Variants in FHOD3 observed in about 807,000 individuals in gnomAD.
FHOD3 encodes the protein FH1/FH2 domain-containing protein 3.
FHOD3 carries 90 observed loss-of-function variants against 173.0 expected under a neutral mutation model. The ratio of observed to expected loss-of-function variants is 0.52; its 90% CI spans 0.44 to 0.62. FHOD3 has a LOEUF of 0.62. Ranked by LOEUF, FHOD3 falls within the 20% of genes least tolerant of loss-of-function variation. The probability of loss-of-function intolerance (pLI) is 0.00; values close to 1 mark genes in which losing one functional copy is unlikely to be tolerated. For synonymous variants in FHOD3, 828 were observed against 823.0 expected (o/e 1.01, Z -0.10); for missense variants, 1,945 against 2,034.7 (o/e 0.96, Z 0.85).
At chr18:36,582,178 C>T (rs1248892915) in intron 6 of FHOD3, among the ~76,000 whole-genome samples, 2 of 152,086 alleles carry the variant, frequency 1.3e-5, no homozygotes, top group Admixed American at 6.5e-5. Context: ...AGCTAAGTGC[C>T]ATGGAGCCTG....
At chr18:36,331,803 A>C (rs2145222494) in intron 1 of FHOD3, among the ~76,000 whole-genome samples, 1 of 152,080 alleles carries the variant, frequency 6.6e-6, no homozygotes, top group South Asian at 2.1e-4. Context: ...CATGCAGGGG[A>C]GTGGGGCACC....
intron 3 of FHOD3, among the ~76,000 whole-genome samples, chr18:36,444,269 A>C (rs2051337096): frequency 6.6e-6 from 1 of 151,114 alleles, no homozygotes; most frequent in Non-Finnish European, 1.5e-5. Flanking sequence ...GATGTTTTTC[A>C]GAGTTACTTA....
intron 1 of FHOD3, among the ~76,000 whole-genome samples, chr18:36,317,577 T>C (rs1249010123): frequency 6.6e-6 from 1 of 152,190 alleles, no homozygotes; most frequent in Non-Finnish European, 1.5e-5. Context: ...GGGTTGTTTG[T>C]TTTTTTCTTG....
intron 20 of FHOD3, among the ~76,000 whole-genome samples, chr18:36,739,770 C>T (rs896748707): frequency 2.6e-5 from 4 of 152,224 alleles, no homozygotes; most frequent in Admixed American, 1.3e-4. Flanking sequence ...GTATAGATAA[C>T]GAACTAATAA....
chr18:36,575,019 G>A (rs908606755), intron 5 of FHOD3, among the ~76,000 whole-genome samples: 2 of 150,544 alleles, frequency 1.3e-5, no homozygotes, highest in Non-Finnish European at 2.9e-5. Flanking sequence ...CACCCAGACT[G>A]GAGTGCAGTG....
At chr18:36,535,725 T>A (rs1000157353) in intron 5 of FHOD3, among the ~76,000 whole-genome samples, 16 of 152,194 alleles carry the variant, frequency 1.1e-4, no homozygotes, top group Non-Finnish European at 2.1e-4. Flanking sequence ...TTTATGTGAT[T>A]GTTGTAACAG....
rs369090418 is a variant in FHOD3 at position 36,761,564 on chromosome 18, C to T, written c.4624+782C>T. The stretch of plus-strand genomic sequence containing the variant: ...GCATGGTCACCGCGGCGCTTCTCCG[C>T]ACGCTGCTCGTCCTAGAGTCCCCGC... On this transcript the variant is annotated intron_variant, in intron 27 of 28. Coordinates refer to ENST00000590592, the MANE Select transcript of FHOD3 (RefSeq NM_001281740.3). 2.7e-4 allele frequency among the ~76,000 whole-genome samples: 41 copies of T among 152,286 alleles called. 2 individuals carry two copies. The East Asian group carries it at 4.6e-3, about 17-fold the overall frequency.
intron 6 of FHOD3, among the ~76,000 whole-genome samples, chr18:36,589,887 G>C (rs1165560876): frequency 6.6e-6 from 1 of 152,140 alleles, no homozygotes; most frequent in Non-Finnish European, 1.5e-5. Flanking sequence ...CTCGGTGCTG[G>C]ACAAATGGGC....
chr18:36,691,351 C>A (rs921263354), intron 16 of FHOD3, among the ~76,000 whole-genome samples: 3 of 152,218 alleles, frequency 2.0e-5, no homozygotes, highest in African/African-American at 7.2e-5. Context: ...CTCTTATTTG[C>A]ACTCATTTCT....
rs57041859 is a variant in FHOD3 at position 36,716,914 on chromosome 18, ATGTG to A, written c.2534-882_2534-879del. Among the ~76,000 whole-genome samples, 1,030 of 136,854 alleles carry A rather than the reference ATGTG, an allele frequency of 7.5e-3. 3 individuals carry two copies. The highest frequency in any genetic ancestry group is 0.011 in the Middle Eastern group (3 of 272). 89.8% of individuals were successfully genotyped at this position (136,854 alleles called of 152,430 possible). ...AAGACGGGGGAAATTATATATGTGTATGTGTGTGTGTGTGTGTGTGTGTGTGTGT... is the reference window on the plus strand; with the variant it reads ...AAGACGGGGGAAATTATATATGTGTATGTGTGTGTGTGTGTGTGTGTGTGT... On this transcript the variant is annotated intron_variant, in intron 18 of 28. Transcript: ENST00000590592.
chr18:36,545,406 G>A (rs1440243158), intron 5 of FHOD3, among the ~76,000 whole-genome samples: 1 of 152,204 alleles, frequency 6.6e-6, no homozygotes, highest in Non-Finnish European at 1.5e-5. Flanking sequence ...GGTGGACGAG[G>A]AAGACCTCTT....
intron 1 of FHOD3, among the ~76,000 whole-genome samples, chr18:36,324,550 G>A (rs965718053): frequency 6.6e-6 from 1 of 152,176 alleles, no homozygotes; most frequent in Admixed American, 6.5e-5. Flanking sequence ...ATAAGAAAAT[G>A]ACAGTCCAAT....
chr18:36,724,904 C>A (rs2040978391), intron 19 of FHOD3, among the ~76,000 whole-genome samples: 1 of 152,144 alleles, frequency 6.6e-6, no homozygotes, highest in East Asian at 1.9e-4. Context: ...CTTTCTGGAA[C>A]CAAAACAGAG....
intron 10 of FHOD3, among the ~76,000 whole-genome samples, chr18:36,639,871 C>G (rs998572387): frequency 6.6e-6 from 1 of 151,506 alleles, no homozygotes; most frequent in African/African-American, 2.4e-5. Flanking sequence ...TGAGAAGCCT[C>G]ATAGTCTGTA....
At chr18:36,380,637 C>CCTTTCCTTTCCTTTT (rs1555686613) in intron 3 of FHOD3, among the ~76,000 whole-genome samples, 3 of 140,542 alleles carry the variant, frequency 2.1e-5, no homozygotes, top group African/African-American at 7.9e-5. Context: ...CCTTTCCTTT[C>CCTTTCCTTTCCTTTT]CTTTCTCTGT....
intron 25 of FHOD3, 24 bp downstream of exon 25, chr18:36,755,335 CT>C: frequency 1.4e-6 from 2 of 1,458,012 alleles, no homozygotes; most frequent in East Asian, 5.2e-5. Context: ...AATCCCTCTC[CT>C]TATGTCATTC....
chr18:36,571,375 A>G (rs554058300), intron 5 of FHOD3, among the ~76,000 whole-genome samples: 11 of 152,242 alleles, frequency 7.2e-5, no homozygotes, highest in Non-Finnish European at 1.5e-4. Context: ...GATAAAAGCA[A>G]TCTGCGAAGA....
chr18:36,358,466 C>T (rs2046462496), intron 2 of FHOD3, among the ~76,000 whole-genome samples: 1 of 152,172 alleles, frequency 6.6e-6, no homozygotes, highest in South Asian at 2.1e-4. Flanking sequence ...CTTGTATTCT[C>T]ACTTTGTTCC....
Position 36,779,586 on chromosome 18 carries a change from G to A in FHOD3, c.*56G>A, listed in dbSNP as rs1362312042. On this transcript the variant is annotated 3_prime_UTR_variant, in exon 29 of 29. Transcript: ENST00000590592. ...AGCAGAAGGCAAGCTCTTGCTGGAT[G>A]AAACCCCTCCAGGTGGGGTTGGGGA... The A allele has an allele frequency of 6.6e-7, 1 of 1,516,472 alleles. No individual in the cohort carries two copies. The highest frequency in any genetic ancestry group is 9.2e-7 in the Non-Finnish European group (1 of 1,092,408). The allele number at this position is 1,516,472 out of a possible 1,614,324, so 93.9% of individuals were successfully genotyped here. A position where few individuals can be genotyped will look rare whatever the true frequency, so the allele number is the denominator to read the frequency against.
Sources: allele counts gnomAD v4.1 joint callset (sites outside exome capture counted in the v4.1 genomes callset), GRCh38; gene constraint gnomAD v4.1.1; transcripts MANE v1.5; gene names NCBI Gene and HGNC (gene_info 2026-07-23, HGNC 2026-07-21).